The following TRPM3 variants were observed in gnomAD, a reference collection of about 807,000 sequenced individuals.
TRPM3 encodes the protein transient receptor potential cation channel subfamily M member 3.
A neutral mutation model predicts 181.2 loss-of-function variants in TRPM3; 77 were observed. That is an observed-to-expected ratio of 0.42 (90% CI 0.35 to 0.51). TRPM3 has a LOEUF of 0.51. TRPM3 is among the 20% of genes least tolerant of loss of function. TRPM3 has a pLI of 0.01. For missense variants in TRPM3, 1,759 were observed against 2,196.7 expected, an observed-to-expected ratio of 0.80 and a Z score of 3.98; for synonymous variants, 745 against 796.4, an observed-to-expected ratio of 0.94 and a Z score of 1.09.
chr9:71,184,956 CACACAAAT>C (rs1349281368), intron 1 of TRPM3, among the ~76,000 whole-genome samples: 1 of 152,108 alleles, frequency 6.6e-6, no homozygotes, highest in Non-Finnish European at 1.5e-5. Context: ...AACACATACA[CACACAAAT>C]ACACAAATTA....
intron 1 of TRPM3, among the ~76,000 whole-genome samples, chr9:71,067,018 C>A (rs2062013432): frequency 6.6e-6 from 1 of 152,152 alleles, no homozygotes; most frequent in Admixed American, 6.6e-5. Context: ...CACGGTACCA[C>A]ATTTCAACCC....
chr9:71,343,040 A>T (rs946837008), intron 1 of TRPM3, among the ~76,000 whole-genome samples: 1 of 152,082 alleles, frequency 6.6e-6, no homozygotes, highest in African/African-American at 2.4e-5. Context: ...TTGCCAAAGG[A>T]AACACAAGAA....
rs535345270 is a variant in TRPM3, at chr9:71,099,213, C to T, written c.177+21965G>A. ...TTCTGGTCCATAGATAGTGCCTTCT[C>T]ACTCTGTCTTCACATAGTGGAAGAT... is the stretch of plus-strand genomic sequence containing the variant. On this transcript the variant is annotated intron_variant, in intron 1 of 25. Transcript: ENST00000677713. Among the ~76,000 whole-genome samples the T allele has an allele frequency of 5.3e-5, 8 of 152,266 alleles. No individual in the cohort carries two copies. The East Asian group carries it at 5.8e-4, about 11-fold the overall frequency.
chr9:70,693,429 C>A (rs2069164819), intron 8 of TRPM3, among the ~76,000 whole-genome samples: 1 of 152,106 alleles, frequency 6.6e-6, no homozygotes, highest in Non-Finnish European at 1.5e-5. Context: ...TTCTTCCAGG[C>A]CAACACCATA....
At chr9:71,282,012 G>T (rs558142074) in intron 1 of TRPM3, among the ~76,000 whole-genome samples, 25 of 151,712 alleles carry the variant, frequency 1.6e-4, no homozygotes, top group Non-Finnish European at 3.2e-4. Context: ...GGCAAGCCAA[G>T]ACCACAACAT....
chr9:70,784,684 T>C (rs2083216607), intron 6 of TRPM3, among the ~76,000 whole-genome samples: 1 of 152,126 alleles, frequency 6.6e-6, no homozygotes, highest in Non-Finnish European at 1.5e-5. Flanking sequence ...GTTTCCTATA[T>C]GAAAAGTAGG....
At chr9:71,004,789 A>G (rs1183993522) in intron 1 of TRPM3, among the ~76,000 whole-genome samples, 4 of 152,064 alleles carry the variant, frequency 2.6e-5, no homozygotes, top group Admixed American at 2.6e-4. Context: ...TAGAAACAAT[A>G]ATAATAAAAA....
At chr9:70,840,626 A>G (rs771635156) in intron 5 of TRPM3, among the ~76,000 whole-genome samples, 3 of 152,160 alleles carry the variant, frequency 2.0e-5, no homozygotes, top group Non-Finnish European at 4.4e-5. Flanking sequence ...AAAGAAGAAA[A>G]AAAATGAGGA....
At chr9:71,313,561 A>T (rs1350463659) in intron 1 of TRPM3, among the ~76,000 whole-genome samples, 1 of 152,180 alleles carries the variant, frequency 6.6e-6, no homozygotes, top group Non-Finnish European at 1.5e-5. Context: ...GACTCCTGAT[A>T]TCCATTTTCT....
chr9:70,886,772 C>A (rs903903945), intron 1 of TRPM3, among the ~76,000 whole-genome samples: 1 of 151,912 alleles, frequency 6.6e-6, no homozygotes, highest in Admixed American at 6.5e-5. Context: ...TCAAGTGATT[C>A]CCCTGCCTCA....
chr9:71,014,791 C>CT (rs1001103724), intron 1 of TRPM3, among the ~76,000 whole-genome samples: 2 of 152,012 alleles, frequency 1.3e-5, no homozygotes, highest in African/African-American at 4.8e-5. Context: ...ATATGAAAAT[C>CT]TTTTTTTCCT....
intron 1 of TRPM3, among the ~76,000 whole-genome samples, chr9:70,904,546 G>T (rs958503166): frequency 6.6e-6 from 1 of 152,138 alleles, no homozygotes; most frequent in African/African-American, 2.4e-5. Flanking sequence ...TAAGTAGGGA[G>T]TAACCAGAAA....
intron 1 of TRPM3, among the ~76,000 whole-genome samples, chr9:71,281,064 T>C (rs1035072778): frequency 6.6e-6 from 1 of 152,192 alleles, no homozygotes; most frequent in African/African-American, 2.4e-5. Context: ...AAGTGGCTGG[T>C]ATATAAGACA....
chr9:70,903,940 T>C (rs1272317720), intron 1 of TRPM3, among the ~76,000 whole-genome samples: 1 of 151,886 alleles, frequency 6.6e-6, no homozygotes, highest in East Asian at 1.9e-4. Flanking sequence ...TTTGCTGATT[T>C]TTTTAAAATA....
chr9:71,290,986 A>G (rs2085761402), intron 1 of TRPM3, among the ~76,000 whole-genome samples: 1 of 152,162 alleles, frequency 6.6e-6, no homozygotes, highest in Admixed American at 6.6e-5. Context: ...TAAATGAACT[A>G]AACTCTAAAA....
At chr9:70,559,568 T>C (rs1048197635) in intron 22 of TRPM3, among the ~76,000 whole-genome samples, 2 of 152,194 alleles carry the variant, frequency 1.3e-5, no homozygotes, top group African/African-American at 4.8e-5. Flanking sequence ...ATGACAGACG[T>C]TGCCAATTAA....
chr9:71,420,700 A>AGG (rs1491173693), intron 1 of TRPM3, among the ~76,000 whole-genome samples: 1 of 12,434 alleles, frequency 8.0e-5, no homozygotes, highest in African/African-American at 1.9e-4. Context: ...GGAAAGAGAA[A>AGG]GAGAGAGAAA....
chr9:71,316,629 T>A (rs540913187), intron 1 of TRPM3, among the ~76,000 whole-genome samples: 1 of 152,050 alleles, frequency 6.6e-6, no homozygotes, highest in South Asian at 2.1e-4. Flanking sequence ...AGCCAAGGAA[T>A]GAAGGCGACC....
At chr9:71,262,209 C>G (rs968742032) in intron 1 of TRPM3, among the ~76,000 whole-genome samples, 8 of 152,172 alleles carry the variant, frequency 5.3e-5, no homozygotes, top group Non-Finnish European at 7.3e-5. Flanking sequence ...CAGAGATGCC[C>G]TGTCCAGAGA....
Sources: gnomAD v4.1 joint callset for allele counts (sites outside exome capture counted in the v4.1 genomes callset) on GRCh38, gnomAD v4.1.1 for gene constraint, MANE v1.5 for transcripts, NCBI Gene and HGNC (gene_info 2026-07-23, HGNC 2026-07-21) for gene names.